Variants in PPL observed in about 807,000 individuals in gnomAD.
The protein encoded by PPL is 190 kDa paraneoplastic pemphigus antigen.
Under a neutral mutation model 194.4 loss-of-function variants are expected in PPL, and 198 were observed. The observed-to-expected ratio is 1.02, with a 90% confidence interval of 0.91 to 1.15. PPL has a LOEUF of 1.15. Ranked by LOEUF, PPL falls within the 50% of genes most tolerant of loss-of-function variation. PPL has a pLI of 0.00. For missense variants in PPL, 2,885 were observed against 2,294.8 expected (o/e 1.26, Z -5.25); for synonymous variants, 1,220 against 972.4 (o/e 1.25, Z -4.74).
intron 1 of PPL, among the ~76,000 whole-genome samples, chr16:4,920,374 C>A (rs1205720413): frequency 0.012 from 506 of 43,116 alleles, 109 homozygotes; most frequent in East Asian, 0.027. Flanking sequence ...AAAGAAAGGA[C>A]ACCTCGGTCA....
chr16:4,898,102 G>T (rs892060088), intron 8 of PPL, among the ~76,000 whole-genome samples: 1 of 152,206 alleles, frequency 6.6e-6, no homozygotes, highest in African/African-American at 2.4e-5. Context: ...CCCTGGCCAG[G>T]CATGGTGGCT....
rs2088884560 is a variant in PPL, at chr16:4,914,674, C to T, written c.63-3725G>A. Among the ~76,000 whole-genome samples the T allele has an allele frequency of 2.0e-5, 3 of 152,178 alleles. No individual in the cohort carries two copies. The South Asian group carries it at 6.2e-4, about 32-fold the overall frequency. On this transcript the variant is annotated intron_variant, in intron 1 of 21. Coordinates refer to ENST00000345988, the MANE Select transcript of PPL (RefSeq NM_002705.5). ...TTGGTCAAGGCACTTAGGAAAACCC[C>T]ATCCTTGATATGTTCATGAGCCAGC...
At chr16:4,936,524 C>T (rs2089300667) in intron 1 of PPL, among the ~76,000 whole-genome samples, 1 of 152,216 alleles carries the variant, frequency 6.6e-6, no homozygotes, top group Non-Finnish European at 1.5e-5. Context: ...CTCAGTTTCC[C>T]TGCCTCAGGG....
At chr16:4,910,096 C>T (rs948223881) in intron 2 of PPL, among the ~76,000 whole-genome samples, 5 of 152,136 alleles carry the variant, frequency 3.3e-5, no homozygotes, top group African/African-American at 9.7e-5. Flanking sequence ...ACCATTCCAG[C>T]GGCTCGTGAG....
chr16:4,920,371 G>GAAAGAAA lies in PPL; in HGVS notation c.63-9423_63-9422insTTTCTTT. On this transcript the variant is annotated intron_variant, in intron 1 of 21. Coordinates refer to ENST00000345988, the MANE Select transcript of PPL (RefSeq NM_002705.5). ...AGAAAGAAAGAAAGAAAGAAAGAAA[G>GAAAGAAA]GACACCTCGGTCAAATTTCAAAGAC... is the stretch of plus-strand genomic sequence containing the variant. 4.4e-3 allele frequency among the ~76,000 whole-genome samples: 412 copies of GAAAGAAA among 94,184 alleles called. 124 individuals are homozygous for GAAAGAAA. The highest frequency in any genetic ancestry group is 6.4e-3 in the East Asian group (16 of 2,494). The allele number at this position is 94,184 out of a possible 152,430, so 61.8% of individuals were successfully genotyped here.
intron 9 of PPL, among the ~76,000 whole-genome samples, chr16:4,896,296 A>G (rs2088426070): frequency 6.6e-6 from 1 of 152,196 alleles, no homozygotes; most frequent in South Asian, 2.1e-4. Context: ...AATTACCCGC[A>G]GCTTCTTAAG....
At chr16:4,888,697 T>C in intron 19 of PPL, 1 of 461,896 alleles carries the variant, frequency 2.2e-6, no homozygotes, top group Non-Finnish European at 3.8e-6. Context: ...GTTGCAACAA[T>C]GTTGTTTATC....
At chr16:4,900,039 C>T (rs943334017) in intron 6 of PPL, among the ~76,000 whole-genome samples, 6 of 152,116 alleles carry the variant, frequency 3.9e-5, no homozygotes, top group African/African-American at 1.2e-4. Context: ...GAAACTGAGG[C>T]TCCCGGAGGC....
At chr16:4,894,351 G>A in intron 12 of PPL, 116 bp downstream of exon 12, 1 of 1,326,228 alleles carries the variant, frequency 7.5e-7, no homozygotes, top group Non-Finnish European at 1.0e-6. Flanking sequence ...GATGGAGAGT[G>A]TCAGCGACCC....
At chr16:4,918,500 T>C (rs1596578238) in intron 1 of PPL, among the ~76,000 whole-genome samples, 1 of 152,114 alleles carries the variant, frequency 6.6e-6, no homozygotes, top group African/African-American at 2.4e-5. Context: ...AGCTCATCAA[T>C]CCTACCAGCC....
rs2142317099 is a variant in PPL at position 4,883,275 on chromosome 16, T to A, written c.*109A>T. 1.3e-6 allele frequency: 2 copies of A among 1,496,532 alleles called. No individual in the cohort carries two copies. Among genetic ancestry groups the A allele is most frequent in the Non-Finnish European group, 1.8e-6 (2 of 1,102,324 alleles). 92.7% of individuals were successfully genotyped at this position (1,496,532 alleles called of 1,614,324 possible). On this transcript the variant is annotated 3_prime_UTR_variant, in exon 22 of 22. Coordinates refer to ENST00000345988, the MANE Select transcript of PPL (RefSeq NM_002705.5). This position sits in a 1 kb window ranked among gnomAD's most constrained non-coding sequence, Gnocchi z 4.8. ...AGCAGCCTGGCAGCGAGGGTATGTA[T>A]AAAATGCTTGGCCTGCACCAGGGCA...
At chr16:4,895,073 G>A (rs1006380158) in intron 11 of PPL, among the ~76,000 whole-genome samples, 188 bp downstream of exon 11, 4 of 152,198 alleles carry the variant, frequency 2.6e-5, no homozygotes, top group Non-Finnish European at 5.9e-5. Flanking sequence ...GGAACACAAG[G>A]CCAGGGCAGC....
chr16:4,891,810 C>T lies in PPL; in HGVS notation c.1968+1G>A. ...TCCCAGGACTTGGGCCCTAGACTCA[C>T]CGCCAGCTCCTGCCCCTTGCTGTCC... On this transcript the variant is annotated splice_donor_variant, in intron 16 of 21. Coordinates refer to ENST00000345988, the MANE Select transcript of PPL (RefSeq NM_002705.5). LOFTEE classifies it high-confidence loss of function. 2 of 1,607,952 alleles carry T rather than the reference C, an allele frequency of 1.2e-6. No individual in the cohort carries two copies. Among genetic ancestry groups the T allele is most frequent in the East Asian group, 2.2e-5 (1 of 44,862 alleles).
chr16:4,891,973 G>C (rs764419412), intron 15 of PPL, 24 bp from the exon 16 acceptor site: 9 of 1,611,046 alleles, frequency 5.6e-6, no homozygotes, highest in Non-Finnish European at 7.6e-6. Flanking sequence ...TCAGGCGTCG[G>C]GGGATGCCCA....
At chr16:4,911,063 C>T (rs2088810857) in intron 1 of PPL, 114 bp from the exon 2 acceptor site, 1 of 774,802 alleles carries the variant, frequency 1.3e-6, no homozygotes, top group Non-Finnish European at 2.1e-6. Flanking sequence ...GCAGGAGCTG[C>T]CCACAGAGCC....
intron 3 of PPL, 62 bp downstream of exon 3, chr16:4,903,824 C>T (rs991470460): frequency 3.6e-5 from 57 of 1,585,982 alleles, no homozygotes; most frequent in Non-Finnish European, 4.8e-5. Context: ...CTGAACAGGA[C>T]CCCCCGCCCT....
chr16:4,895,033 C>G (rs2088394777), intron 11 of PPL, among the ~76,000 whole-genome samples: 1 of 152,164 alleles, frequency 6.6e-6, no homozygotes, highest in African/African-American at 2.4e-5. Context: ...CCTGGGACTT[C>G]TGAGGAGGGA....
At position 4,937,052 on chromosome 16, in the gene PPL, G is replaced by C; in HGVS notation, c.-7C>G. On this transcript the variant is annotated 5_prime_UTR_variant, in exon 1 of 22. Coordinates refer to ENST00000345988, the MANE Select transcript of PPL (RefSeq NM_002705.5). Reference sequence around the variant, plus strand: ...TCCTGAAGAGCGAGTTCATGGTGGCGCTCGGGGTGCGGGCGGCGGCGGCTG... The same window carrying C: ...TCCTGAAGAGCGAGTTCATGGTGGCCCTCGGGGTGCGGGCGGCGGCGGCTG... 1 of 1,447,318 alleles carries C rather than the reference G, an allele frequency of 6.9e-7. No individual in the cohort carries two copies. The highest frequency in any genetic ancestry group is 1.5e-5 in the South Asian group (1 of 65,788). 89.7% of individuals were successfully genotyped at this position (1,447,318 alleles called of 1,614,324 possible).
intron 18 of PPL, among the ~76,000 whole-genome samples, chr16:4,889,472 T>A (rs2088281266): frequency 1.3e-5 from 2 of 151,848 alleles, no homozygotes. Flanking sequence ...TTGGCCAGGC[T>A]GGTCTTGAAC....
Sources: gnomAD v4.1 joint callset for allele counts (sites outside exome capture counted in the v4.1 genomes callset) on GRCh38, gnomAD v4.1.1 for gene constraint, Gnocchi (gnomAD v3.1) non-coding constraint, MANE v1.5 for transcripts, NCBI Gene and HGNC (gene_info 2026-07-23, HGNC 2026-07-21) for gene names.